The following ZNF143 variants were observed in gnomAD, a reference collection of about 807,000 sequenced individuals.
ZNF143 encodes the protein SPH-binding factor.
Under a neutral mutation model 74.1 loss-of-function variants are expected in ZNF143, and 49 were observed. The ratio of observed to expected loss-of-function variants is 0.66; its 90% CI spans 0.53 to 0.84. The LOEUF is 0.84. ZNF143 is among the 40% of genes least tolerant of loss of function. The pLI is 0.00. For synonymous variants in ZNF143, 304 were observed against 282.8 expected (o/e 1.07, Z -0.75); for missense variants, 637 against 793.4 (o/e 0.80, Z 2.37).
chr11:9,465,568 C>T (rs1249577333), intron 1 of ZNF143, among the ~76,000 whole-genome samples: 1 of 151,584 alleles, frequency 6.6e-6, no homozygotes, highest in Non-Finnish European at 1.5e-5. Flanking sequence ...GGCGTGATCT[C>T]GGCTCTCTGC....
At chr11:9,526,939 C>T in intron 15 of ZNF143, among the ~76,000 whole-genome samples, 1 of 152,244 alleles carries the variant, frequency 6.6e-6, no homozygotes, top group Non-Finnish European at 1.5e-5. Context: ...ATTCTCCTCC[C>T]TCAGCCTCCC....
chr11:9,524,319 C>T (rs893749176), intron 14 of ZNF143, among the ~76,000 whole-genome samples: 2 of 152,054 alleles, frequency 1.3e-5, no homozygotes, highest in African/African-American at 4.8e-5. Context: ...CTCCTCAAAG[C>T]CTTCATATAG....
chr11:9,492,105 A>ATTTTTTTTTTTTTTTT (rs34432476), intron 7 of ZNF143, among the ~76,000 whole-genome samples: 1 of 100,240 alleles, frequency 1.0e-5, no homozygotes, highest in Non-Finnish European at 1.9e-5. Context: ...CACCTGGCTA[A>ATTTTTTTTTTTTTTTT]TTTTTTTTTT....
intron 1 of ZNF143, among the ~76,000 whole-genome samples, chr11:9,465,447 G>C (rs1229835116): frequency 6.6e-6 from 1 of 151,820 alleles, no homozygotes; most frequent in African/African-American, 2.4e-5. Context: ...GGCTCCCAGA[G>C]TGCTGGGATT....
intron 13 of ZNF143, among the ~76,000 whole-genome samples, chr11:9,514,103 A>G (rs1298359838): frequency 2.0e-5 from 3 of 152,062 alleles, no homozygotes; most frequent in Non-Finnish European, 2.9e-5. Flanking sequence ...TCACTGTGTT[A>G]TCCAGGCTGG....
At chr11:9,496,184 T>C in intron 8 of ZNF143, 119 bp from the exon 9 acceptor site, 4 of 813,786 alleles carry the variant, frequency 4.9e-6, no homozygotes, top group Non-Finnish European at 7.9e-6. Flanking sequence ...ATCTTTTTTA[T>C]AAGAAAAAAG....
intron 5 of ZNF143, among the ~76,000 whole-genome samples, chr11:9,476,067 G>GT (rs1428808441): frequency 4.6e-5 from 7 of 152,052 alleles, no homozygotes; most frequent in Non-Finnish European, 1.0e-4. Context: ...TATTACATTT[G>GT]TTTAAGGGAA....
chr11:9,483,169 T>A (rs1254704917), intron 7 of ZNF143, among the ~76,000 whole-genome samples: 1 of 150,732 alleles, frequency 6.6e-6, no homozygotes, highest in Non-Finnish European at 1.5e-5. Flanking sequence ...AATTTTTGTA[T>A]TTTTAGTAGA....
chr11:9,471,714 G>A (rs1006664153), intron 2 of ZNF143, among the ~76,000 whole-genome samples: 2 of 151,490 alleles, frequency 1.3e-5, no homozygotes, highest in African/African-American at 2.4e-5. Context: ...CACCACGTCC[G>A]GCTAATTTTG....
At chr11:9,469,288 A>G (rs1348591314) in intron 1 of ZNF143, among the ~76,000 whole-genome samples, 1 of 134,470 alleles carries the variant, frequency 7.4e-6, no homozygotes, top group South Asian at 2.5e-4. Context: ...TTGGAGTGCA[A>G]TGTTGTGATC....
chr11:9,466,417 TCC>T (rs1856218119), intron 1 of ZNF143, among the ~76,000 whole-genome samples: 1 of 151,712 alleles, frequency 6.6e-6, no homozygotes, highest in Admixed American at 6.6e-5. Flanking sequence ...TGCTTCAGCC[TCC>T]CTAGTAGCTG....
At chr11:9,473,697 C>T in intron 3 of ZNF143, 1 of 1,233,138 alleles carries the variant, frequency 8.1e-7, no homozygotes, top group Non-Finnish European at 1.1e-6. Context: ...TGTGATGAGC[C>T]ACTCTTCCTC....
At chr11:9,492,101 G>C (rs904705051) in intron 7 of ZNF143, among the ~76,000 whole-genome samples, 2 of 138,858 alleles carry the variant, frequency 1.4e-5, no homozygotes, top group Non-Finnish European at 3.1e-5. Context: ...ACCACACCTG[G>C]CTAATTTTTT....
intron 7 of ZNF143, among the ~76,000 whole-genome samples, chr11:9,481,838 A>G (rs1227993509): frequency 1.3e-5 from 2 of 148,566 alleles, no homozygotes; most frequent in Non-Finnish European, 3.0e-5. Context: ...CAATGAGCCA[A>G]GATTGTGCCA....
intron 8 of ZNF143, 143 bp from the exon 9 acceptor site, chr11:9,496,160 G>T: frequency 1.5e-6 from 1 of 670,344 alleles, no homozygotes; most frequent in Non-Finnish European, 2.6e-6. Flanking sequence ...TTGGGCTATC[G>T]TTTTTGTGAA....
intron 14 of ZNF143, among the ~76,000 whole-genome samples, chr11:9,516,942 C>CT (rs1292986993): frequency 6.6e-6 from 1 of 152,128 alleles, no homozygotes; most frequent in Non-Finnish European, 1.5e-5. Flanking sequence ...TAATAGCTCT[C>CT]TTCTGGTTTT....
At chr11:9,488,518 A>G (rs906822489) in intron 7 of ZNF143, among the ~76,000 whole-genome samples, 11 of 152,156 alleles carry the variant, frequency 7.2e-5, no homozygotes, top group Non-Finnish European at 4.4e-5. Flanking sequence ...CTGCCTAGAC[A>G]GCACTCCCCA....
At chr11:9,517,498 C>G (rs1455196637) in intron 14 of ZNF143, among the ~76,000 whole-genome samples, 1 of 152,102 alleles carries the variant, frequency 6.6e-6, no homozygotes, top group African/African-American at 2.4e-5. Flanking sequence ...ATCAGTGTTG[C>G]CAAACTTCCC....
intron 7 of ZNF143, among the ~76,000 whole-genome samples, chr11:9,488,570 G>T (rs548531042): frequency 2.0e-5 from 3 of 152,216 alleles, no homozygotes; most frequent in Admixed American, 2.0e-4. Flanking sequence ...TAGACAGCTT[G>T]CCCTAACCTA....
Sources: allele counts gnomAD v4.1 joint callset (sites outside exome capture counted in the v4.1 genomes callset), GRCh38; gene constraint gnomAD v4.1.1; transcripts MANE v1.5; gene names NCBI Gene and HGNC (gene_info 2026-07-23, HGNC 2026-07-21).